The following TTN variants were observed in gnomAD, a reference collection of about 807,000 sequenced individuals.
TTN encodes connectin.
TTN carries 1,525 observed loss-of-function variants against 3,223.0 expected under a neutral mutation model. The ratio of observed to expected loss-of-function variants is 0.47; its 90% CI spans 0.45 to 0.49. The LOEUF (loss-of-function observed/expected upper bound fraction) is 0.49. Among genes scored for constraint, TTN ranks in the 20% least tolerant of loss-of-function variants. The pLI is 0.00. For synonymous variants in TTN, 14,094 were observed against 15,161.0 expected, an observed-to-expected ratio of 0.93 and a Z score of 5.17; for missense variants, 40,786 against 43,424.0, an observed-to-expected ratio of 0.94 and a Z score of 5.40.
Position 178,776,304 on chromosome 2 carries a change from C to T in TTN, c.5560G>A (p.Glu1854Lys), listed in dbSNP as rs1443747233. Residue 1854 changes from glutamate (E) to lysine (K), a missense_variant, in exon 28 of 363, where the codon GAA (glutamate) becomes AAA (lysine). Glu to Lys is a moderately conservative substitution (Grantham distance 56, BLOSUM62 1). Coordinates refer to ENST00000589042, the MANE Select transcript of TTN (RefSeq NM_001267550.2). ...VLYPEPVRVL[E>K]GETARFRCRV... ...CAGCGGAACCTTGCAGTCTCCCCTT[C>T]AAGTACTCTAACTGGCTCTGGGTAC... is the stretch of plus-strand genomic sequence containing the variant. The T allele has an allele frequency of 6.2e-7, 1 of 1,614,090 alleles. No individual in the cohort carries two copies. The highest frequency in any genetic ancestry group is 1.7e-5 in the Admixed American group (1 of 60,024).
chr2:178,588,811 C>A lies in TTN; in HGVS notation c.62914G>T (p.Val20972Phe). 1 of 1,613,336 alleles carries A rather than the reference C, an allele frequency of 6.2e-7. No homozygotes were observed. The highest frequency in any genetic ancestry group is 8.5e-7 in the Non-Finnish European group (1 of 1,179,574). Reference sequence around the variant, plus strand: ...ATCTCTTCTTTGCTTACTTTAGTGACTTCTGGGGGATCAGGGCGACCAGGT... The same window carrying A: ...ATCTCTTCTTTGCTTACTTTAGTGAATTCTGGGGGATCAGGGCGACCAGGT... The part of the protein sequence containing the change: ...DKPGRPDPPE[V>F]TKVSKEEMTV... The change falls in exon 304 of 363, where the codon GTC (valine) becomes TTC (phenylalanine). Residue 20972 changes from valine (V) to phenylalanine (F), a missense_variant. Coordinates refer to ENST00000589042, the MANE Select transcript of TTN (RefSeq NM_001267550.2).
Position 178,563,808 on chromosome 2 carries a change from A to T in TTN, c.82324T>A (p.Phe27442Ile). The change falls in exon 326 of 363, where the codon TTC (phenylalanine) becomes ATC (isoleucine). Residue 27442 changes from phenylalanine (F) to isoleucine (I), a missense_variant. Physicochemically the swap from Phe to Ile is conservative, Grantham distance 21. Coordinates refer to ENST00000589042, the MANE Select transcript of TTN (RefSeq NM_001267550.2). The surrounding 1 kb of genome is among the most constrained non-coding windows in gnomAD (Gnocchi z 4.5). ...TKLLPGNEYI[F>I]RVMAVNKYGI... The stretch of plus-strand genomic sequence containing the variant: ...TATTTATTCACAGCCATGACACGGA[A>T]AATGTACTCATTACCAGGAAGAAGT... 1 of 1,613,734 alleles carries T rather than the reference A, an allele frequency of 6.2e-7. No individual in the cohort carries two copies. The highest frequency in any genetic ancestry group is 1.3e-5 in the African/African-American group (1 of 75,022).
At position 178,739,619 on chromosome 2, in the gene TTN, A is replaced by G; in HGVS notation, c.13614T>C (p.Phe4538=). Residue 4538 remains phenylalanine, a synonymous_variant, in exon 48 of 363, where the codon TTT becomes TTC. Coordinates refer to ENST00000589042, the MANE Select transcript of TTN (RefSeq NM_001267550.2). ...YLISTEEVSY[F]NVQSRVKYLD... Reference sequence around the variant, plus strand: ...AATATTTAACCCTACTTTGCACGTTAAAATAACTGACCTCTTCAGTTGAGA... The same window carrying G: ...AATATTTAACCCTACTTTGCACGTTGAAATAACTGACCTCTTCAGTTGAGA... The G allele has an allele frequency of 6.2e-7, 1 of 1,613,888 alleles. No individual in the cohort carries two copies. The highest frequency in any genetic ancestry group is 8.5e-7 in the Non-Finnish European group (1 of 1,179,850).
chr2:178,674,089 C>T (rs887653299), intron 151 of TTN, among the ~76,000 whole-genome samples: 1 of 151,558 alleles, frequency 6.6e-6, no homozygotes, highest in African/African-American at 2.4e-5. Context: ...AATTCAATCG[C>T]CAATAACAAA....
At chr2:178,783,973 C>T in intron 16 of TTN, 97 bp downstream of exon 16, 1 of 1,593,678 alleles carries the variant, frequency 6.3e-7, no homozygotes, top group Non-Finnish European at 8.6e-7. Flanking sequence ...AGGAGAAAGG[C>T]AAGACTCCAC....
rs545986598 is a variant in TTN at position 178,547,567 on chromosome 2, T to C, written c.94059A>G (p.Thr31353=). ...TGGAATTGACAAGCTGCCAAGCTGT[T>C]GTACCCGATTCACGCTTTTCAACTA... ...NYIVEKRESG[T]TAWQLVNSSV... The change falls in exon 339 of 363, where the codon ACA becomes ACG. Residue 31353 remains threonine (T), a synonymous_variant. Transcript: ENST00000589042. The C allele has an allele frequency of 6.2e-6, 10 of 1,613,854 alleles. No homozygotes were observed. The highest frequency in any genetic ancestry group is 8.5e-6 in the Non-Finnish European group (10 of 1,179,810).
chr2:178,760,719 A>C (rs1264880645), intron 43 of TTN, among the ~76,000 whole-genome samples: 1 of 152,194 alleles, frequency 6.6e-6, no homozygotes, highest in Admixed American at 6.5e-5. Flanking sequence ...AGCCACTGGC[A>C]CAAGTCAGTC....
In TTN at chr2:178,672,110, A is replaced by G; in HGVS notation, c.35088T>C (p.Phe11696=). ...ATTTGATGAATTCTTCTACTTCATG[A>G]AACTCGCCTTCTTCAAAATATTCTT... ...EVEEYFEEGE[F]HEVEEFIKLE... is the part of the protein sequence containing the mutation. Residue 11696 remains phenylalanine, a synonymous_variant, in exon 155 of 363, where the codon TTT becomes TTC. Coordinates refer to ENST00000589042, the MANE Select transcript of TTN (RefSeq NM_001267550.2). 2 of 1,611,948 alleles carry G rather than the reference A, an allele frequency of 1.2e-6. No homozygotes were observed. Among genetic ancestry groups the G allele is most frequent in the Non-Finnish European group, 1.7e-6 (2 of 1,178,930 alleles).
chr2:178,789,030 T>TC (rs1222324920), intron 13 of TTN, among the ~76,000 whole-genome samples: 1 of 152,086 alleles, frequency 6.6e-6, no homozygotes, highest in Non-Finnish European at 1.5e-5. Flanking sequence ...TTATACATCT[T>TC]CCGTGTTTTT....
chr2:178,716,528 G>A (rs973830492), intron 88 of TTN, among the ~76,000 whole-genome samples: 1 of 152,128 alleles, frequency 6.6e-6, no homozygotes, highest in African/African-American at 2.4e-5. Flanking sequence ...ATTTCTGACA[G>A]TAGCAGCGAT....
In TTN at chr2:178,715,008, G is replaced by C; in HGVS notation, c.26178C>G (p.Cys8726Trp). The C allele has an allele frequency of 1.9e-6, 3 of 1,611,610 alleles. No individual in the cohort carries two copies. Among genetic ancestry groups the C allele is most frequent in the Non-Finnish European group, 2.5e-6 (3 of 1,178,406 alleles). The part of the protein sequence containing the change: ...KATNDVGSDT[C>W]VGSIALKAPP... ...AACCTTTGAGAGCGATGGAACCAAC[G>C]CAAGTGTCGCTTCCCACATCATTTG... The change falls in exon 90 of 363, where the codon TGC (cysteine) becomes TGG (tryptophan). Residue 8726 changes from cysteine to tryptophan, a missense_variant. Coordinates refer to ENST00000589042, the MANE Select transcript of TTN (RefSeq NM_001267550.2).
At chr2:178,789,241 ACT>A (rs1423828658) in intron 13 of TTN, 117 bp downstream of exon 13, 2 of 1,366,224 alleles carry the variant, frequency 1.5e-6, no homozygotes, top group Non-Finnish European at 2.1e-6. Flanking sequence ...GTTAATAGTG[ACT>A]CATACATAAG....
In TTN at chr2:178,630,363, C is replaced by A. The variant is rs752834664; in HGVS notation, c.44159G>T (p.Cys14720Phe). ...TATTTTGCCTTCTTCCTTAATTTCA[C>A]AATCCTGTACCAACAAAACAGAAAA... ...KGEALLQTPD[C>F]EIKEEGKIHS... The change falls in exon 239 of 363, where the codon TGT (cysteine) becomes TTT (phenylalanine). Residue 14720 changes from cysteine (C) to phenylalanine (F), a missense_variant. By Grantham distance (205) the Cys-to-Phe change is radical (BLOSUM62 -2). Transcript: ENST00000589042. 31 of 1,599,398 alleles carry A rather than the reference C, an allele frequency of 1.9e-5. No individual in the cohort carries two copies. Among genetic ancestry groups the A allele is most frequent in the Non-Finnish European group, 2.3e-5 (27 of 1,176,242 alleles).
chr2:178,621,243 G>A lies in TTN; in HGVS notation c.45475C>T (p.Leu15159Phe). 1 of 1,612,246 alleles carries A rather than the reference G, an allele frequency of 6.2e-7. No individual in the cohort carries two copies. Among genetic ancestry groups the A allele is most frequent in the Non-Finnish European group, 8.5e-7 (1 of 1,179,092 alleles). Residue 15159 changes from leucine (L) to phenylalanine (F), a missense_variant, in exon 246 of 363, where the codon CTT (leucine) becomes TTT (phenylalanine). Leu to Phe is a conservative substitution (Grantham distance 22). Coordinates refer to ENST00000589042, the MANE Select transcript of TTN (RefSeq NM_001267550.2). The part of the protein sequence containing the change: ...PVQWKRDDKT[L>F]ESGDKYDVIA... The stretch of plus-strand genomic sequence containing the variant: ...ACGTCATATTTATCTCCAGATTCAA[G>A]TGTCTTATCATCCCTCTTCCACTGG...
At position 178,718,608 on chromosome 2, in the gene TTN, G is replaced by C. The variant is rs748675191; in HGVS notation, c.24506-8C>G. 35 of 1,607,302 alleles carry C rather than the reference G, an allele frequency of 2.2e-5. No individual in the cohort carries two copies. The Admixed American group carries it at 5.7e-4, about 26-fold the overall frequency. On this transcript the variant is annotated splice_region_variant and splice_polypyrimidine_tract_variant and intron_variant, in intron 84 of 362. Coordinates refer to ENST00000589042, the MANE Select transcript of TTN (RefSeq NM_001267550.2). ...TCACAAAGGTGGCTGGTTCTATAAG[G>C]AGAAAACATGTGGGTAAAATTCTTG...
intron 46 of TTN, 39 bp from the exon 47 acceptor site, chr2:178,753,219 A>G: frequency 6.8e-7 from 1 of 1,479,752 alleles, no homozygotes; most frequent in Non-Finnish European, 9.4e-7. Context: ...TTAGTGATTA[A>G]TTGCATATAT....
chr2:178,688,791 G>A lies in TTN; in HGVS notation c.32096-13C>T. ...TTAGAGACTTCAGCTTTAAGAAAGTGTTAAAGTTGAAGTTTAAAATCAAGA... is the reference window on the plus strand; with the variant it reads ...TTAGAGACTTCAGCTTTAAGAAAGTATTAAAGTTGAAGTTTAAAATCAAGA... On this transcript the variant is annotated splice_polypyrimidine_tract_variant and intron_variant, in intron 125 of 362. Coordinates refer to ENST00000589042, the MANE Select transcript of TTN (RefSeq NM_001267550.2). 3 of 1,571,920 alleles carry A rather than the reference G, an allele frequency of 1.9e-6. No individual in the cohort carries two copies. Among genetic ancestry groups the A allele is most frequent in the Non-Finnish European group, 2.6e-6 (3 of 1,143,776 alleles).
In TTN at chr2:178,741,066, G is replaced by C; in HGVS notation, c.12167C>G (p.Pro4056Arg). The C allele has an allele frequency of 6.2e-7, 1 of 1,613,888 alleles. No homozygotes were observed. Among genetic ancestry groups the C allele is most frequent in the African/African-American group, 1.3e-5 (1 of 75,050 alleles). The change falls in exon 48 of 363, where the codon CCC becomes CGC. Residue 4056 changes from proline (P) to arginine (R), a missense_variant. Coordinates refer to ENST00000589042, the MANE Select transcript of TTN (RefSeq NM_001267550.2). ...TGCTTCAACTGCGGGACCCTTTAAG[G>C]GTGTCTGTGGAAAATCCTCAGGAGC... Reference protein sequence around the residue: ...PEAPEDFPQTPLKGPAVEALD... With the variant: ...PEAPEDFPQTRLKGPAVEALD...
rs1427630739 is a variant in TTN, at chr2:178,760,233, G to A, written c.10115-1061C>T. The stretch of plus-strand genomic sequence containing the variant: ...TCAGTTCCTTAGATAGTAAGGTAAA[G>A]TAGAAGATGAAATCCTGGCCAGGCG... On this transcript the variant is annotated intron_variant, in intron 43 of 362. Transcript: ENST00000589042. Among the ~76,000 whole-genome samples, 8 of 152,266 alleles carry A rather than the reference G, an allele frequency of 5.3e-5. No individual in the cohort carries two copies. The East Asian group carries it at 1.4e-3, about 26-fold the overall frequency.
Sources: gnomAD v4.1 joint callset for allele counts (sites outside exome capture counted in the v4.1 genomes callset) on GRCh38, gnomAD v4.1.1 for gene constraint, Gnocchi (gnomAD v3.1) non-coding constraint, MANE v1.5 for transcripts, NCBI Gene and HGNC (gene_info 2026-07-23, HGNC 2026-07-21) for gene names.